The following ELF5 variants were observed in gnomAD, a reference collection of about 807,000 sequenced individuals.
The protein encoded by ELF5 is ETS-related transcription factor Elf-5.
Under a neutral mutation model 38.2 loss-of-function variants are expected in ELF5, and 31 were observed. That is an observed-to-expected ratio of 0.81 (90% confidence interval 0.61 to 1.10). ELF5 has a LOEUF of 1.10. Among genes scored for constraint, ELF5 ranks in the 50% least tolerant of loss-of-function variants. The pLI is 0.00. For synonymous variants in ELF5, 121 were observed against 112.5 expected (o/e 1.08, Z -0.48); for missense variants, 300 against 306.6 (o/e 0.98, Z 0.16).
At position 34,480,087 on chromosome 11, in the gene ELF5, T is replaced by C. The variant is rs184779908; in HGVS notation, c.*131A>G. On this transcript the variant is annotated 3_prime_UTR_variant, in exon 7 of 7. Transcript: ENST00000257832. ...CTGAATCCAAATGTAAGCTGAGATG[T>C]GGAGAAATTTTATCAGCATGTTTGC... 199 of 719,352 alleles carry C rather than the reference T, an allele frequency of 2.8e-4. 1 individual carries two copies. In the East Asian group the frequency reaches 4.5e-3, roughly 16 times the overall value. The allele number at this position is 719,352 out of a possible 1,614,324, so 44.6% of individuals were successfully genotyped here. A position where few individuals can be genotyped will look rare whatever the true frequency, so the allele number is the denominator to read the frequency against.
At chr11:34,501,271 T>A (rs1323445502) in intron 2 of ELF5, among the ~76,000 whole-genome samples, 1 of 152,114 alleles carries the variant, frequency 6.6e-6, no homozygotes, top group East Asian at 1.9e-4. Flanking sequence ...TCCACTCCCT[T>A]CTCTGGTGGT....
At chr11:34,509,082 C>A (rs1335862787) in intron 1 of ELF5, among the ~76,000 whole-genome samples, 1 of 152,178 alleles carries the variant, frequency 6.6e-6, no homozygotes, top group African/African-American at 2.4e-5. Flanking sequence ...GTAATCCCAG[C>A]ACTTTGGAAG....
At position 34,479,715 on chromosome 11, in the gene ELF5, A is replaced by G. The variant is rs1314428586; in HGVS notation, c.*503T>C. ...AAAAAAAAAAAAGGGATACTTTTCTATGGATTTTTGACTTTAATAATTTAA... is the reference window on the plus strand; with the variant it reads ...AAAAAAAAAAAAGGGATACTTTTCTGTGGATTTTTGACTTTAATAATTTAA... On this transcript the variant is annotated 3_prime_UTR_variant, in exon 7 of 7. Coordinates refer to ENST00000257832, the MANE Select transcript of ELF5 (RefSeq NM_001422.4). 1 of 152,590 alleles carries G rather than the reference A, an allele frequency of 6.6e-6. No homozygotes were observed. The highest frequency in any genetic ancestry group is 1.5e-5 in the Non-Finnish European group (1 of 68,260). The allele number at this position is 152,590 out of a possible 1,614,324, so 9.5% of individuals were successfully genotyped here.
intron 2 of ELF5, among the ~76,000 whole-genome samples, chr11:34,501,580 C>A (rs968917593): frequency 3.3e-5 from 5 of 152,114 alleles, no homozygotes; most frequent in African/African-American, 4.8e-5. Flanking sequence ...AGCCTCCCCC[C>A]CAACCAACTC....
rs534982315 is a variant in ELF5, at chr11:34,508,146, G to A, written c.-4-2393C>T. On this transcript the variant is annotated intron_variant, in intron 1 of 6. Coordinates refer to ENST00000257832, the MANE Select transcript of ELF5 (RefSeq NM_001422.4). ...CATGCGCCACCTAAATCAGGGGTTA[G>A]CAAACTACATCCTATAGGCAAAATG... 2.1e-4 allele frequency among the ~76,000 whole-genome samples: 32 copies of A among 152,284 alleles called. No individual in the cohort carries two copies. In the East Asian group the frequency reaches 5.0e-3, roughly 24 times the overall value.
intron 1 of ELF5, chr11:34,511,472 C>T: frequency 1.9e-6 from 3 of 1,604,716 alleles, no homozygotes; most frequent in Non-Finnish European, 2.6e-6. Flanking sequence ...AGGAAAAGCT[C>T]AAGAATGATT....
chr11:34,489,614 T>C (rs1850107228), intron 4 of ELF5, among the ~76,000 whole-genome samples: 1 of 152,214 alleles, frequency 6.6e-6, no homozygotes, highest in African/African-American at 2.4e-5. Flanking sequence ...CAGAGTCTTC[T>C]TAAGCATTAT....
chr11:34,492,098 G>C (rs1026034689), intron 3 of ELF5: 1 of 152,218 alleles, frequency 6.6e-6, no homozygotes, highest in Non-Finnish European at 1.5e-5. Flanking sequence ...GTTCCCTTGG[G>C]AGGATCCTAA....
rs778603845 is a variant in ELF5 at position 34,511,649 on chromosome 11, A to C, written c.-5+2028T>G. On this transcript the variant is annotated intron_variant, in intron 1 of 6. Transcript: ENST00000257832. ...GCTCACACACCAAATGCACACAGAG[A>C]GGGTCCACCGAGTTGGAGGGACAGG... 4.0e-5 allele frequency: 64 copies of C among 1,582,880 alleles called. 2 individuals carry two copies. The highest frequency in any genetic ancestry group is 2.2e-4 in the South Asian group (20 of 90,014).
chr11:34,511,554 G>T (rs778184333), intron 1 of ELF5: 3 of 1,614,256 alleles, frequency 1.9e-6, no homozygotes, highest in Admixed American at 1.7e-5. Flanking sequence ...CTGTGGGAGT[G>T]AGGCAGAGAT....
chr11:34,511,616 C>G (rs759569682), intron 1 of ELF5: 1 of 1,613,562 alleles, frequency 6.2e-7, no homozygotes, highest in Non-Finnish European at 8.5e-7. Flanking sequence ...GAACCCTTCT[C>G]AGAGCTGGCT....
rs1439866648 is a variant in ELF5 at position 34,505,623 on chromosome 11, A to T, written c.121+6T>A. ...CACTCAGATGGGCTCCTTCAAATGT[A>T]CGCACCTGTCTGATGCTCAAAGGCA... On this transcript the variant is annotated splice_donor_region_variant and intron_variant, in intron 2 of 6. Transcript: ENST00000257832. 1.9e-6 allele frequency: 3 copies of T among 1,613,550 alleles called. No individual in the cohort carries two copies. The highest frequency in any genetic ancestry group is 2.5e-6 in the Non-Finnish European group (3 of 1,179,740).
At chr11:34,504,598 C>T (rs1045795827) in intron 2 of ELF5, among the ~76,000 whole-genome samples, 3 of 152,238 alleles carry the variant, frequency 2.0e-5, no homozygotes, top group Non-Finnish European at 4.4e-5. Flanking sequence ...CCTCCGGACA[C>T]TGAGTCTGGA....
At chr11:34,482,364 A>G in intron 5 of ELF5, 67 bp downstream of exon 5, 1 of 1,434,854 alleles carries the variant, frequency 7.0e-7, no homozygotes, top group Non-Finnish European at 9.7e-7. Flanking sequence ...AAGCTTATTA[A>G]AGTAGATGAC....
In ELF5 at chr11:34,479,988, C is replaced by A. The variant is rs1358778498; in HGVS notation, c.*230G>T. 1.9e-6 allele frequency: 1 copy of A among 528,454 alleles called. No homozygotes were observed. Among genetic ancestry groups the A allele is most frequent in the Non-Finnish European group, 3.3e-6 (1 of 298,628 alleles). 32.7% of individuals were successfully genotyped at this position (528,454 alleles called of 1,614,324 possible). A position where few individuals can be genotyped will look rare whatever the true frequency, so the allele number is the denominator to read the frequency against. On this transcript the variant is annotated 3_prime_UTR_variant, in exon 7 of 7. Transcript: ENST00000257832. ...GTTTGATCAAGACACCACAAAAGATCATCCCCTCATCCCCTTAGGGAGAAG... is the reference window on the plus strand; with the variant it reads ...GTTTGATCAAGACACCACAAAAGATAATCCCCTCATCCCCTTAGGGAGAAG...
chr11:34,499,863 C>A (rs1290007650), intron 2 of ELF5, among the ~76,000 whole-genome samples: 1 of 152,198 alleles, frequency 6.6e-6, no homozygotes, highest in African/African-American at 2.4e-5. Context: ...GATTTGAAAT[C>A]TTGGCTCTTC....
At chr11:34,511,627 C>G in intron 1 of ELF5, 1 of 1,610,516 alleles carries the variant, frequency 6.2e-7, no homozygotes, top group Non-Finnish European at 8.5e-7. Context: ...AGAGCTGGCT[C>G]ACACACCAAA....
Position 34,502,834 on chromosome 11 carries a change from C to T in ELF5, c.121+2795G>A, listed in dbSNP as rs148029393. Among the ~76,000 whole-genome samples the T allele has an allele frequency of 1.0e-3, 156 of 152,286 alleles. 1 individual carries two copies. The highest frequency in any genetic ancestry group is 3.7e-3 in the African/African-American group (152 of 41,554). On this transcript the variant is annotated intron_variant, in intron 2 of 6. Transcript: ENST00000257832. ...GCTGTGTCTTCGATATTGCCTGATG[C>T]AGGAATCACAGAAGCTTCTGGAAGG...
chr11:34,511,778 G>A (rs68066662), intron 1 of ELF5: 12,535 of 590,974 alleles, frequency 0.021, 1,126 homozygotes, highest in African/African-American at 0.2. Context: ...CAGAGAGAGG[G>A]GAAGGAGCAA....
Sources: gnomAD v4.1 joint callset for allele counts (sites outside exome capture counted in the v4.1 genomes callset) on GRCh38, gnomAD v4.1.1 for gene constraint, MANE v1.5 for transcripts, NCBI Gene and HGNC (gene_info 2026-07-23, HGNC 2026-07-21) for gene names.